The following RYR2 variants were observed in gnomAD, a reference collection of about 807,000 sequenced individuals.
RYR2 encodes the protein ryanodine receptor 2, also known as cardiac muscle ryanodine receptor-calcium release channel.
A neutral mutation model predicts 601.1 loss-of-function variants in RYR2; 227 were observed. That is an observed-to-expected ratio of 0.38 (90% CI 0.34 to 0.42). The LOEUF is 0.42. Ranked by LOEUF, RYR2 falls within the 10% of genes least tolerant of loss-of-function variation. The probability of loss-of-function intolerance (pLI) is 1.00; values close to 1 mark genes in which losing one functional copy is unlikely to be tolerated. For synonymous variants in RYR2, 2,223 were observed against 2,175.1 expected, an observed-to-expected ratio of 1.02 and a Z score of -0.61; for missense variants, 4,646 against 6,156.5, an observed-to-expected ratio of 0.75 and a Z score of 8.21.
In RYR2 at chr1:237,627,946, G is replaced by C; in HGVS notation, c.6306G>C (p.Leu2102=). ...YDGIGGLVRA[L]PKTYTINGVS... is the part of the protein sequence containing the mutation. ...GCATTGGGGGTCTTGTTCGGGCCCT[G>C]CCAAAGACCTACACGATAAATGGTG... Residue 2102 remains leucine (L), a synonymous_variant, in exon 41 of 105, where the codon CTG becomes CTC. Coordinates refer to ENST00000366574, the MANE Select transcript of RYR2 (RefSeq NM_001035.3). The C allele has an allele frequency of 6.2e-7, 1 of 1,613,228 alleles. No homozygotes were observed. Among genetic ancestry groups the C allele is most frequent in the Non-Finnish European group, 8.5e-7 (1 of 1,179,692 alleles).
chr1:237,380,372 A>ATATG (rs1701371238), intron 8 of RYR2, among the ~76,000 whole-genome samples: 2 of 8,622 alleles, frequency 2.3e-4, no homozygotes, highest in Non-Finnish European at 4.5e-4. Context: ...ATATATATAT[A>ATATG]TATATATATA....
intron 33 of RYR2, among the ~76,000 whole-genome samples, chr1:237,595,060 T>C (rs1261562337): frequency 1.3e-5 from 2 of 151,764 alleles, no homozygotes; most frequent in Non-Finnish European, 2.9e-5. Context: ...ACTTTGATAG[T>C]GTCTGGAAAT....
rs1666134760 is a variant in RYR2, at chr1:237,513,657, C to T, written c.2822+1866C>T. On this transcript the variant is annotated intron_variant, in intron 24 of 104. Transcript: ENST00000366574. Reference sequence around the variant, plus strand: ...CACTACCTTTTCTATATTTAGATACCCAAATACTTACCATTGTGTTACAGT... The same window carrying T: ...CACTACCTTTTCTATATTTAGATACTCAAATACTTACCATTGTGTTACAGT... Among the ~76,000 whole-genome samples, 3 of 152,114 alleles carry T rather than the reference C, an allele frequency of 2.0e-5. No individual in the cohort carries two copies. The South Asian group carries it at 6.2e-4, about 32-fold the overall frequency.
intron 1 of RYR2, chr1:237,270,217 G>T (rs1362544927): frequency 1.8e-6 from 1 of 542,612 alleles, no homozygotes; most frequent in South Asian, 1.7e-5. Flanking sequence ...ATTTGTTCAG[G>T]TTGCCTCTGG....
chr1:237,256,055 A>G (rs1318235763), intron 1 of RYR2, among the ~76,000 whole-genome samples: 2 of 152,078 alleles, frequency 1.3e-5, no homozygotes, highest in Non-Finnish European at 2.9e-5. Flanking sequence ...CTTGAATTGT[A>G]GCTCCCATAA....
chr1:237,377,591 G>A lies in RYR2; in HGVS notation c.576+156G>A, dbSNP rs901413915. The stretch of plus-strand genomic sequence containing the variant: ...ATTAATTATAAATAACTTCCTAAAC[G>A]GAAGAATAATGTGATGTGGGTGCAA... On this transcript the variant is annotated intron_variant, in intron 8 of 104. Coordinates refer to ENST00000366574, the MANE Select transcript of RYR2 (RefSeq NM_001035.3). Among the ~76,000 whole-genome samples the A allele has an allele frequency of 5.3e-5, 8 of 152,106 alleles. No homozygotes were observed. The East Asian group carries it at 5.8e-4, about 11-fold the overall frequency.
At chr1:237,316,510 C>T (rs1433803705) in intron 2 of RYR2, among the ~76,000 whole-genome samples, 1 of 152,208 alleles carries the variant, frequency 6.6e-6, no homozygotes, top group African/African-American at 2.4e-5. Flanking sequence ...ATTTGACCCA[C>T]ATACTGTGAT....
chr1:237,579,311 C>T (rs1673631099), intron 29 of RYR2, among the ~76,000 whole-genome samples: 1 of 134,444 alleles, frequency 7.4e-6, no homozygotes, highest in Non-Finnish European at 1.5e-5. Context: ...GGCTGGACTG[C>T]AGTGGCGTGA....
In RYR2 at chr1:237,657,974, C is replaced by A; in HGVS notation, c.8160C>A (p.Phe2720Leu). The change falls in exon 54 of 105, where the codon TTC becomes TTA. Residue 2720 changes from phenylalanine (F) to leucine (L), a missense_variant. Around this residue, in one of 17 missense-constraint regions of RYR2, gnomAD observed 1,497 missense variants for 1,842.6 expected, o/e 0.81. Transcript: ENST00000366574. ...NITIPEKLEY[F>L]INKYAEHSHD... ...CAATTCCTGAGAAATTGGAATACTTCATTAACAAATATGCAGAACACTCCC... is the reference window on the plus strand; with the variant it reads ...CAATTCCTGAGAAATTGGAATACTTAATTAACAAATATGCAGAACACTCCC... 1 of 1,518,656 alleles carries A rather than the reference C, an allele frequency of 6.6e-7. No homozygotes were observed. Among genetic ancestry groups the A allele is most frequent in the Non-Finnish European group, 8.8e-7 (1 of 1,130,670 alleles). The allele number at this position is 1,518,656 out of a possible 1,614,324, so 94.1% of individuals were successfully genotyped here. A position where few individuals can be genotyped will look rare whatever the true frequency, so the allele number is the denominator to read the frequency against.
intron 53 of RYR2, 130 bp downstream of exon 53, chr1:237,656,114 C>A: frequency 1.5e-6 from 1 of 667,804 alleles, no homozygotes; most frequent in South Asian, 2.5e-5. Context: ...TAATAGGGGT[C>A]CCTTTAATTT....
rs1283109780 is a variant in RYR2 at position 237,803,524 on chromosome 1, T to A, written c.14151+1608T>A. ...ACCATGTTAGCCAGGATGGTCTCGA[T>A]CTCCTGACCTCGTGAACCGACCGCC... On this transcript the variant is annotated intron_variant, in intron 98 of 104. Transcript: ENST00000366574. 8.5e-5 allele frequency among the ~76,000 whole-genome samples: 13 copies of A among 152,144 alleles called. No homozygotes were observed. In the East Asian group the frequency reaches 1.9e-3, roughly 23 times the overall value.
chr1:237,278,245 ATTTTTTT>A (rs71561863), intron 2 of RYR2, among the ~76,000 whole-genome samples: 233 of 67,018 alleles, frequency 3.5e-3, no homozygotes, highest in Non-Finnish European at 4.4e-3. Context: ...TAATTTTTGT[ATTTTTTT>A]TTTTTTTTTT....
intron 1 of RYR2, among the ~76,000 whole-genome samples, chr1:237,143,392 G>C (rs538868733): frequency 6.6e-6 from 1 of 152,264 alleles, no homozygotes; most frequent in Admixed American, 6.5e-5. Flanking sequence ...ACTTTGGAGA[G>C]CTTTGTCTTT....
At chr1:237,056,393 C>G (rs1050593560) in intron 1 of RYR2, among the ~76,000 whole-genome samples, 2 of 143,290 alleles carry the variant, frequency 1.4e-5, no homozygotes, top group Non-Finnish European at 3.0e-5. Context: ...GACTGGAGCA[C>G]TGCACCTGTG....
chr1:237,343,899 C>T (rs12029641), intron 3 of RYR2, among the ~76,000 whole-genome samples: 20,675 of 151,066 alleles, frequency 0.14, 1,688 homozygotes, highest in East Asian at 0.33. Flanking sequence ...TGGCTCACTG[C>T]AACCTCTGCC....
intron 8 of RYR2, among the ~76,000 whole-genome samples, chr1:237,380,113 A>T (rs1278814118): frequency 2.0e-5 from 3 of 151,606 alleles, no homozygotes; most frequent in African/African-American, 7.3e-5. Context: ...AGAGATGGTG[A>T]ATTATTATTT....
intron 98 of RYR2, among the ~76,000 whole-genome samples, chr1:237,805,333 C>T (rs2794829): frequency 0.19 from 28,449 of 151,926 alleles, 3,168 homozygotes; most frequent in East Asian, 0.5. Context: ...GTAATCCCAG[C>T]ACTTTGGGAG....
Position 237,620,262 on chromosome 1 carries a change from C to T in RYR2, c.5916+2776C>T, listed in dbSNP as rs564223496. ...GTTGACATTGTACCATCTGGTGCAC[C>T]GTCAATACCAGTAGACTGTATGTTA... On this transcript the variant is annotated intron_variant, in intron 38 of 104. Coordinates refer to ENST00000366574, the MANE Select transcript of RYR2 (RefSeq NM_001035.3). Among the ~76,000 whole-genome samples the T allele has an allele frequency of 8.5e-5, 13 of 152,094 alleles. No homozygotes were observed. In the South Asian group the frequency reaches 2.1e-3, roughly 24 times the overall value.
chr1:237,552,092 G>A (rs1333445054), intron 27 of RYR2, among the ~76,000 whole-genome samples: 1 of 152,114 alleles, frequency 6.6e-6, no homozygotes, highest in Non-Finnish European at 1.5e-5. Context: ...TATCCATAAT[G>A]CTAACATAAT....
Sources: gnomAD v4.1 joint callset for allele counts (sites outside exome capture counted in the v4.1 genomes callset) on GRCh38, gnomAD v4.1.1 for gene constraint, gnomAD v4.1.1 regional missense constraint, MANE v1.5 for transcripts, NCBI Gene and HGNC (gene_info 2026-07-23, HGNC 2026-07-21) for gene names.